Variants in STARD13 observed in about 807,000 individuals in gnomAD.
STARD13 encodes StAR related lipid transfer domain containing 13.
Under a neutral mutation model 106.4 loss-of-function variants are expected in STARD13, and 62 were observed. That is an observed-to-expected ratio of 0.58 (90% CI 0.48 to 0.72). STARD13 has a LOEUF of 0.72. Among genes scored for constraint, STARD13 ranks in the 30% least tolerant of loss-of-function variants. The pLI is 0.00. For synonymous variants in STARD13, 565 were observed against 553.0 expected (o/e 1.02, Z -0.31); for missense variants, 1,387 against 1,424.0 (o/e 0.97, Z 0.42).
At chr13:33,383,803 C>T in the STARD13 span, 37,646 of 146,524 alleles carry the variant, frequency 0.26, 6,105 homozygotes, top group African/African-American at 0.45. Flanking sequence ...CACGAAGCTG[C>T]ACATTCCCTT....
chr13:33,346,832 T>C (rs2078022769), downstream of STARD13, among the ~76,000 whole-genome samples: 1 of 151,378 alleles, frequency 6.6e-6, no homozygotes, highest in South Asian at 2.1e-4. Flanking sequence ...AGAGATGGGG[T>C]TTCACTATGT....
the STARD13 span, among the ~76,000 whole-genome samples, chr13:33,547,670 A>G: frequency 6.6e-6 from 1 of 152,220 alleles, no homozygotes; most frequent in Non-Finnish European, 1.5e-5. Flanking sequence ...CCTTGGCATT[A>G]AGTTCTTTTG....
chr13:33,150,045 C>T (rs1881066721), intron 3 of STARD13, among the ~76,000 whole-genome samples: 1 of 152,152 alleles, frequency 6.6e-6, no homozygotes, highest in Admixed American at 6.6e-5. Context: ...GTGTGTCCTC[C>T]ATTGGATTGG....
chr13:33,495,852 T>C, the STARD13 span, among the ~76,000 whole-genome samples: 2 of 143,524 alleles, frequency 1.4e-5, no homozygotes, highest in Non-Finnish European at 3.0e-5. Context: ...TGTACTATAA[T>C]TATATAATAT....
chr13:33,666,863 ATT>A, the STARD13 span, among the ~76,000 whole-genome samples: 1 of 152,210 alleles, frequency 6.6e-6, no homozygotes, highest in African/African-American at 2.4e-5. Flanking sequence ...AAGTGCTGGG[ATT>A]ACAGGCGGGA....
At chr13:33,447,705 G>T in the STARD13 span, among the ~76,000 whole-genome samples, 3 of 152,262 alleles carry the variant, frequency 2.0e-5, no homozygotes, top group East Asian at 3.9e-4. Flanking sequence ...GAAATAGTAT[G>T]CTCTAAGATG....
At chr13:33,542,808 C>T in the STARD13 span, among the ~76,000 whole-genome samples, 24 of 152,240 alleles carry the variant, frequency 1.6e-4, no homozygotes, top group Non-Finnish European at 3.4e-4. Context: ...GGCCCAGGCT[C>T]TGGCTCTCGG....
At chr13:33,333,097 T>C (rs2077855537) in intron 1 of STARD13, among the ~76,000 whole-genome samples, 1 of 152,158 alleles carries the variant, frequency 6.6e-6, no homozygotes, top group South Asian at 2.1e-4. Flanking sequence ...TTTTTAAATT[T>C]CAGCTATGCT....
In STARD13 at chr13:33,253,405, T is replaced by C. The variant is rs367762769; in HGVS notation, c.169+32065A>G. On this transcript the variant is annotated intron_variant, in intron 1 of 13. Coordinates refer to ENST00000336934, the MANE Select transcript of STARD13 (RefSeq NM_178006.4). ...ACAGCGTAAACATGCCTGGAAATAA[T>C]ATATGCAGTACATGCTTCATCCAGG... Among the ~76,000 whole-genome samples, 98 of 152,302 alleles carry C rather than the reference T, an allele frequency of 6.4e-4. 3 individuals are homozygous for C. In the South Asian group the frequency reaches 0.02, roughly 32 times the overall value.
In STARD13 at chr13:33,112,899, G is replaced by C. The variant is rs759282072; in HGVS notation, c.2314C>G (p.Gln772Glu). The C allele has an allele frequency of 2.5e-6, 4 of 1,612,150 alleles. No homozygotes were observed. In the Admixed American group the frequency reaches 5.0e-5, roughly 20 times the overall value. The change falls in exon 9 of 14, where the codon CAG (glutamine) becomes GAG (glutamate). Residue 772 changes from glutamine (Q) to glutamate (E), a missense_variant. By Grantham distance (29) the Gln-to-Glu change is conservative. Transcript: ENST00000336934. ...TCGGCCAGTAGCAGGATGGCAGCCT[G>C]CACGGCCTGCAGCCGCTGCTCTTTG... ...VSKEQRLQAV[Q>E]AAILLLADEN...
At chr13:33,550,968 T>C in the STARD13 span, among the ~76,000 whole-genome samples, 1 of 152,244 alleles carries the variant, frequency 6.6e-6, no homozygotes, top group African/African-American at 2.4e-5. Context: ...CAGCTTGACT[T>C]TCTGTGCTAT....
At chr13:33,292,180 G>C (rs987306041) in intron 1 of STARD13, among the ~76,000 whole-genome samples, 6 of 152,150 alleles carry the variant, frequency 3.9e-5, no homozygotes, top group Non-Finnish European at 7.4e-5. Flanking sequence ...GGAAGTGGGT[G>C]AGAATGTGGC....
the STARD13 span, among the ~76,000 whole-genome samples, chr13:33,584,354 G>T: frequency 6.6e-6 from 1 of 152,124 alleles, no homozygotes; most frequent in Non-Finnish European, 1.5e-5. Flanking sequence ...GGCAAAGGAG[G>T]TGCCATGGCC....
the STARD13 span, among the ~76,000 whole-genome samples, chr13:33,496,592 T>C: frequency 6.6e-6 from 1 of 152,066 alleles, no homozygotes; most frequent in Non-Finnish European, 1.5e-5. Context: ...TCAATTCATC[T>C]GAATCACCTG....
chr13:33,358,550 A>G, the STARD13 span, among the ~76,000 whole-genome samples: 1 of 151,910 alleles, frequency 6.6e-6, no homozygotes, highest in African/African-American at 2.4e-5. Context: ...ACCAATCGAC[A>G]CTCTGTATCT....
chr13:33,633,171 C>T, the STARD13 span, among the ~76,000 whole-genome samples: 4 of 152,310 alleles, frequency 2.6e-5, no homozygotes, highest in Middle Eastern at 0.01. Context: ...CTTGTGGGTA[C>T]TTAGAAAGCC....
chr13:33,128,264 C>T (rs938027330), intron 5 of STARD13, among the ~76,000 whole-genome samples: 1 of 152,044 alleles, frequency 6.6e-6, no homozygotes, highest in Non-Finnish European at 1.5e-5. Flanking sequence ...AAAATTTTCT[C>T]ATTGTCTTCC....
intron 1 of STARD13, among the ~76,000 whole-genome samples, chr13:33,179,404 G>A (rs550842540): frequency 3.3e-5 from 5 of 152,278 alleles, no homozygotes; most frequent in African/African-American, 1.2e-4. Context: ...TTAAATGATT[G>A]CATTTCTGTA....
At chr13:33,404,888 T>C in the STARD13 span, among the ~76,000 whole-genome samples, 1 of 151,712 alleles carries the variant, frequency 6.6e-6, no homozygotes, top group East Asian at 2.0e-4. Context: ...GTGATTCTCC[T>C]GCCTCAGCCT....
Sources: gnomAD v4.1 joint callset for allele counts (sites outside exome capture counted in the v4.1 genomes callset) on GRCh38, gnomAD v4.1.1 for gene constraint, MANE v1.5 for transcripts, NCBI Gene and HGNC (gene_info 2026-07-23, HGNC 2026-07-21) for gene names.